STK38L: variants seen among roughly 807,000 people sequenced by gnomAD.
STK38L encodes serine/threonine kinase 38 like.
In STK38L, 28 loss-of-function variants were observed where a neutral mutation model predicts 59.7. The observed-to-expected ratio is 0.47, with a 90% CI of 0.35 to 0.64. The LOEUF (loss-of-function observed/expected upper bound fraction) is 0.64, where lower values mean the gene tolerates loss of function less well. Among genes scored for constraint, STK38L ranks in the 30% least tolerant of loss-of-function variants. The probability of loss-of-function intolerance (pLI) is 0.01; values close to 1 mark genes in which losing one functional copy is unlikely to be tolerated. For synonymous variants in STK38L, 162 were observed against 176.8 expected, an observed-to-expected ratio of 0.92 and a Z score of 0.66; for missense variants, 314 against 555.8, an observed-to-expected ratio of 0.56 and a Z score of 4.37.
At chr12:27,271,432 T>G (rs1943420540) in intron 1 of STK38L, among the ~76,000 whole-genome samples, 1 of 152,214 alleles carries the variant, frequency 6.6e-6, no homozygotes, top group Non-Finnish European at 1.5e-5. Context: ...GCTTTCATTA[T>G]GAATAGTTTT....
intron 7 of STK38L, 94 bp from the exon 8 acceptor site, chr12:27,314,921 T>A: frequency 2.9e-6 from 3 of 1,021,080 alleles, no homozygotes; most frequent in Non-Finnish European, 4.2e-6. Context: ...AAGCTAAGAA[T>A]TTTTATTATA....
chr12:27,272,635 A>G (rs993930546), intron 1 of STK38L, among the ~76,000 whole-genome samples: 3 of 152,222 alleles, frequency 2.0e-5, no homozygotes, highest in Non-Finnish European at 4.4e-5. Flanking sequence ...ACTTCCGTGT[A>G]TTCAAGGGTG....
intron 1 of STK38L, among the ~76,000 whole-genome samples, chr12:27,265,888 T>G (rs971355468): frequency 2.0e-5 from 3 of 152,166 alleles, no homozygotes; most frequent in Non-Finnish European, 4.4e-5. Flanking sequence ...AAAATAAATT[T>G]CTGAACCTAT....
At chr12:27,274,121 T>C (rs1390183316) in intron 1 of STK38L, among the ~76,000 whole-genome samples, 1 of 151,628 alleles carries the variant, frequency 6.6e-6, no homozygotes, top group Non-Finnish European at 1.5e-5. Flanking sequence ...GGCGTAGTGG[T>C]GCACACCGGT....
At chr12:27,289,695 C>T (rs1328082960) in intron 1 of STK38L, among the ~76,000 whole-genome samples, 1 of 152,182 alleles carries the variant, frequency 6.6e-6, no homozygotes, top group Non-Finnish European at 1.5e-5. Context: ...CTATTAACAG[C>T]AGATACAGTA....
At chr12:27,313,771 AGTTAAAACT>A (rs1397769428) in intron 6 of STK38L, among the ~76,000 whole-genome samples, 15 of 152,324 alleles carry the variant, frequency 9.8e-5, no homozygotes, top group African/African-American at 3.6e-4. Flanking sequence ...TGTTTACAAC[AGTTAAAACT>A]GTTAAAACTT....
intron 1 of STK38L, among the ~76,000 whole-genome samples, chr12:27,254,877 G>A (rs1429988354): frequency 6.6e-6 from 1 of 152,148 alleles, no homozygotes; most frequent in Non-Finnish European, 1.5e-5. Context: ...CACTTGGTAG[G>A]ACCAGTGCCA....
intron 1 of STK38L, among the ~76,000 whole-genome samples, chr12:27,265,890 T>C (rs1943291950): frequency 6.6e-6 from 1 of 152,310 alleles, no homozygotes; most frequent in African/African-American, 2.4e-5. Context: ...AATAAATTTC[T>C]GAACCTATAA....
chr12:27,319,269 C>A, intron 11 of STK38L, 59 bp from the exon 12 acceptor site: 4 of 1,023,442 alleles, frequency 3.9e-6, no homozygotes, highest in Non-Finnish European at 5.9e-6. Flanking sequence ...TGAAGTAATG[C>A]AGCTAGAATA....
At chr12:27,257,179 G>C (rs972402661) in intron 1 of STK38L, among the ~76,000 whole-genome samples, 12 of 152,198 alleles carry the variant, frequency 7.9e-5, no homozygotes, top group African/African-American at 2.7e-4. Context: ...CTTATAGTTT[G>C]GTGAGCACAC....
At chr12:27,307,132 A>G (rs1469465883) in intron 3 of STK38L, among the ~76,000 whole-genome samples, 1 of 152,218 alleles carries the variant, frequency 6.6e-6, no homozygotes, top group Non-Finnish European at 1.5e-5. Context: ...GTGGAAAAAG[A>G]CATTTAAAAA....
chr12:27,254,319 T>C (rs982311850), intron 1 of STK38L, among the ~76,000 whole-genome samples: 3 of 152,240 alleles, frequency 2.0e-5, no homozygotes, highest in African/African-American at 4.8e-5. Context: ...CTCTCTACTC[T>C]AAGCCTTATT....
At chr12:27,288,500 A>G (rs1943827153) in intron 1 of STK38L, among the ~76,000 whole-genome samples, 2 of 152,180 alleles carry the variant, frequency 1.3e-5, no homozygotes, top group East Asian at 3.9e-4. Flanking sequence ...ACTAGCTATC[A>G]TCTCACTCAT....
In STK38L at chr12:27,322,644, T is replaced by G. The variant is rs1944758533; in HGVS notation, c.*189T>G. The G allele has an allele frequency of 1.8e-6, 1 of 561,528 alleles. No homozygotes were observed. The allele number at this position is 561,528 out of a possible 1,614,324, so 34.8% of individuals were successfully genotyped here. ...TTGGTTGGCAGTGCCAGCTGGCTCT[T>G]TTTTTTAATATTTTATTATTTTTGT... On this transcript the variant is annotated 3_prime_UTR_variant, in exon 14 of 14. Coordinates refer to ENST00000389032, the MANE Select transcript of STK38L (RefSeq NM_015000.4).
Position 27,252,292 on chromosome 12 carries a change from T to C in STK38L, c.-12+7960T>C, listed in dbSNP as rs775062872. The stretch of plus-strand genomic sequence containing the variant: ...CCATGCCCGGCCTACAAAAGCACTT[T>C]TGTAGAAAATTGAATATGATCCTTA... On this transcript the variant is annotated intron_variant, in intron 1 of 13. Transcript: ENST00000389032. Among the ~76,000 whole-genome samples, 60 of 152,236 alleles carry C rather than the reference T, an allele frequency of 3.9e-4. 1 individual carries two copies. Among genetic ancestry groups the C allele is most frequent in the Non-Finnish European group, 8.4e-4 (57 of 68,050 alleles).
chr12:27,262,207 A>G (rs1943216087), intron 1 of STK38L, among the ~76,000 whole-genome samples: 1 of 152,220 alleles, frequency 6.6e-6, no homozygotes, highest in Non-Finnish European at 1.5e-5. Flanking sequence ...AAAAAATTAT[A>G]TTTTAGGATT....
At chr12:27,262,334 A>C (rs1291490176) in intron 1 of STK38L, among the ~76,000 whole-genome samples, 1 of 152,228 alleles carries the variant, frequency 6.6e-6, no homozygotes, top group Non-Finnish European at 1.5e-5. Flanking sequence ...ATTTTATTGA[A>C]AATTAGTTTT....
intron 1 of STK38L, among the ~76,000 whole-genome samples, chr12:27,286,281 A>G (rs909914225): frequency 1.2e-4 from 19 of 152,146 alleles, no homozygotes; most frequent in African/African-American, 4.6e-4. Context: ...GCACTCTCCC[A>G]GGATCACTCT....
chr12:27,315,245 A>G (rs757496855), intron 8 of STK38L, 44 bp from the exon 9 acceptor site: 1 of 1,605,002 alleles, frequency 6.2e-7, no homozygotes, highest in Admixed American at 1.7e-5. Context: ...TTTTGTGGAG[A>G]GCATTTTTCC....
Sources: allele counts gnomAD v4.1 joint callset (sites outside exome capture counted in the v4.1 genomes callset), GRCh38; gene constraint gnomAD v4.1.1; transcripts MANE v1.5; gene names NCBI Gene and HGNC (gene_info 2026-07-23, HGNC 2026-07-21).